The following RETREG1 variants were observed in gnomAD, a reference collection of about 807,000 sequenced individuals.
RETREG1 encodes family with sequence similarity 134 member B.
Under a neutral mutation model 54.8 loss-of-function variants are expected in RETREG1, and 44 were observed. That is an observed-to-expected ratio of 0.80 (90% confidence interval 0.63 to 1.03). RETREG1 has a LOEUF of 1.03. Ranked by LOEUF, RETREG1 falls within the 50% of genes least tolerant of loss-of-function variation. The pLI is 0.00. For missense variants in RETREG1, 554 were observed against 605.1 expected (o/e 0.92, Z 0.89); for synonymous variants, 217 against 238.5 (o/e 0.91, Z 0.83).
At chr5:16,610,185 C>T (rs1208567767) in intron 1 of RETREG1, among the ~76,000 whole-genome samples, 1 of 152,200 alleles carries the variant, frequency 6.6e-6, no homozygotes, top group African/African-American at 2.4e-5. Context: ...CCTTCCAAAA[C>T]AATTTGACTC....
chr5:16,486,213 G>A (rs1470024725), intron 3 of RETREG1, among the ~76,000 whole-genome samples: 1 of 152,134 alleles, frequency 6.6e-6, no homozygotes, highest in African/African-American at 2.4e-5. Context: ...AAGTGTTTGA[G>A]ATTAAAAATA....
Position 16,473,499 on chromosome 5 carries a change from T to C in RETREG1, c.*1242A>G, listed in dbSNP as rs1326858358. ...TTCCTTTCTGAGGGTCTCAGATGTC[T>C]CTATGCATCTGCCAAAATGCCAGCT... On this transcript the variant is annotated 3_prime_UTR_variant, in exon 9 of 9. Coordinates refer to ENST00000306320, the MANE Select transcript of RETREG1 (RefSeq NM_001034850.3). 6.6e-6 allele frequency: 1 copy of C among 152,604 alleles called. No homozygotes were observed. The highest frequency in any genetic ancestry group is 1.5e-5 in the Non-Finnish European group (1 of 67,998). 9.5% of individuals were successfully genotyped at this position (152,604 alleles called of 1,614,324 possible).
rs34432513 is a variant in RETREG1 at position 16,475,100 on chromosome 5, G to C, written c.1135C>G (p.Gln379Glu). The C allele has an allele frequency of 2.0e-3, 3,301 of 1,613,924 alleles. 55 individuals carry two copies. The African/African-American group carries it at 0.037, about 18-fold the overall frequency. ...LPTELKRKKE[Q>E]LDSGHRPSKE... ...CTTGGTCTGTGACCACTGTCCAACT[G>C]TTCCTTCTTTCTCTTGAGCTCAGTG... Residue 379 changes from glutamine to glutamate, a missense_variant, in exon 9 of 9, where the codon CAG (glutamine) becomes GAG (glutamate). Gln to Glu is a conservative substitution (Grantham distance 29). Around this residue, in one of 4 missense-constraint regions of RETREG1, gnomAD observed 347 missense variants for 412.3 expected, o/e 0.84. Transcript: ENST00000306320.
At chr5:16,542,187 G>A (rs1201681936) in intron 3 of RETREG1, among the ~76,000 whole-genome samples, 2 of 152,198 alleles carry the variant, frequency 1.3e-5, no homozygotes, top group African/African-American at 4.8e-5. Flanking sequence ...CCTCATCTCA[G>A]GCCCCTCTGC....
At chr5:16,564,632 G>A (rs1227584767) in intron 3 of RETREG1, among the ~76,000 whole-genome samples, 1 of 152,186 alleles carries the variant, frequency 6.6e-6, no homozygotes, top group Non-Finnish European at 1.5e-5. Context: ...GCCTATGCCA[G>A]CTCTTCCCTG....
rs1040668373 is a variant in RETREG1 at position 16,609,984 on chromosome 5, C to T, written c.320+6668G>A. Among the ~76,000 whole-genome samples, 3 of 152,294 alleles carry T rather than the reference C, an allele frequency of 2.0e-5. No individual in the cohort carries two copies. The South Asian group carries it at 6.2e-4, about 32-fold the overall frequency. ...GAAAACCCAGATGCTTTGGGCCCAC[C>T]TGCAGAGATTCCTGTTCAGTGAGTG... On this transcript the variant is annotated intron_variant, in intron 1 of 8. Transcript: ENST00000306320.
At chr5:16,525,209 C>T (rs1407254614) in intron 3 of RETREG1, among the ~76,000 whole-genome samples, 1 of 150,530 alleles carries the variant, frequency 6.6e-6, no homozygotes, top group African/African-American at 2.5e-5. Flanking sequence ...TCCTCTGGCC[C>T]CTGCAGGTGG....
At chr5:16,589,367 CTTTT>C (rs1370402321) in intron 1 of RETREG1, among the ~76,000 whole-genome samples, 6 of 145,432 alleles carry the variant, frequency 4.1e-5, no homozygotes, top group African/African-American at 2.6e-5. Context: ...GCATGTCTTT[CTTTT>C]TTGTTTGTTT....
At chr5:16,554,128 T>A (rs928404647) in intron 3 of RETREG1, among the ~76,000 whole-genome samples, 25 of 152,214 alleles carry the variant, frequency 1.6e-4, no homozygotes, top group African/African-American at 5.8e-4. Flanking sequence ...AGCAAGAATT[T>A]AAGAACTTTG....
chr5:16,520,253 T>C (rs1258797675), intron 3 of RETREG1, among the ~76,000 whole-genome samples: 1 of 152,204 alleles, frequency 6.6e-6, no homozygotes, highest in East Asian at 1.9e-4. Context: ...TATTTTGTCA[T>C]GCTCATCTCT....
At position 16,475,090 on chromosome 5, in the gene RETREG1, C is replaced by G. The variant is rs61733811; in HGVS notation, c.1145G>C (p.Ser382Thr). The G allele has an allele frequency of 6.1e-3, 9,884 of 1,613,976 alleles. 481 individuals carry two copies. In the African/African-American group the frequency reaches 0.11, roughly 18 times the overall value. Residue 382 changes from serine to threonine, a missense_variant, in exon 9 of 9, where the codon AGT becomes ACT. Ser to Thr is a moderately conservative substitution (Grantham distance 58). Transcript: ENST00000306320. Reference protein sequence around the residue: ...ELKRKKEQLDSGHRPSKETQS... With the variant: ...ELKRKKEQLDTGHRPSKETQS... ...CGTCTCTTTGCTTGGTCTGTGACCA[C>G]TGTCCAACTGTTCCTTCTTTCTCTT...
At chr5:16,616,394 T>C in intron 1 of RETREG1, 1 of 544,106 alleles carries the variant, frequency 1.8e-6, no homozygotes, top group Non-Finnish European at 3.1e-6. Context: ...TGCAGGTGCC[T>C]GAGGGTCGGC....
At chr5:16,609,634 G>C (rs545235361) in intron 1 of RETREG1, among the ~76,000 whole-genome samples, 2 of 152,120 alleles carry the variant, frequency 1.3e-5, no homozygotes, top group African/African-American at 4.8e-5. Context: ...ACTGAAGCCC[G>C]GCCAGAAGGA....
intron 3 of RETREG1, among the ~76,000 whole-genome samples, chr5:16,513,008 T>G (rs566398547): frequency 2.6e-5 from 4 of 152,264 alleles, no homozygotes; most frequent in African/African-American, 9.6e-5. Context: ...TTGAGTTCTC[T>G]CTTGGATTCT....
At chr5:16,554,917 T>C (rs938470325) in intron 3 of RETREG1, among the ~76,000 whole-genome samples, 2 of 152,188 alleles carry the variant, frequency 1.3e-5, no homozygotes, top group Non-Finnish European at 2.9e-5. Flanking sequence ...AAGCTCTTCA[T>C]ACAGACGCAA....
rs781672287 is a variant in RETREG1 at position 16,572,045 on chromosome 5, C to T, written c.378G>A (p.Gly126=). 1 of 1,613,884 alleles carries T rather than the reference C, an allele frequency of 6.2e-7. No individual in the cohort carries two copies. The highest frequency in any genetic ancestry group is 8.5e-7 in the Non-Finnish European group (1 of 1,179,866). ...VYHLISVMIL[G]RVIMQIIKDM... ...CCTTTATTATTTGCATAATAACACG[C>T]CCAAGTATCATGACGGAAATCAGGT... The change falls in exon 2 of 9, where the codon GGG becomes GGA. Residue 126 remains glycine, a synonymous_variant. Coordinates refer to ENST00000306320, the MANE Select transcript of RETREG1 (RefSeq NM_001034850.3).
chr5:16,558,132 T>G (rs1046346744), intron 3 of RETREG1, among the ~76,000 whole-genome samples: 3 of 152,188 alleles, frequency 2.0e-5, no homozygotes, highest in Admixed American at 6.5e-5. Flanking sequence ...TGATGGTGCA[T>G]GACTGTAGTC....
intron 1 of RETREG1, among the ~76,000 whole-genome samples, chr5:16,608,547 C>T (rs1001253076): frequency 6.6e-6 from 1 of 152,212 alleles, no homozygotes; most frequent in Non-Finnish European, 1.5e-5. Flanking sequence ...AACTGTAAAG[C>T]CCTGGAGACC....
At chr5:16,520,522 G>A (rs545777939) in intron 3 of RETREG1, among the ~76,000 whole-genome samples, 6 of 152,082 alleles carry the variant, frequency 3.9e-5, no homozygotes, top group African/African-American at 1.2e-4. Context: ...TAGAGACAGG[G>A]TTTCTCCATG....
Sources: gnomAD v4.1 joint callset for allele counts (sites outside exome capture counted in the v4.1 genomes callset) on GRCh38, gnomAD v4.1.1 for gene constraint, gnomAD v4.1.1 regional missense constraint, MANE v1.5 for transcripts, NCBI Gene and HGNC (gene_info 2026-07-23, HGNC 2026-07-21) for gene names.